The following TAFA2 variants were observed in gnomAD, a reference collection of about 807,000 sequenced individuals.
TAFA2 encodes TAFA chemokine like family member 2.
A neutral mutation model predicts 18.8 loss-of-function variants in TAFA2; 7 were observed. That is an observed-to-expected ratio of 0.37 (90% CI 0.21 to 0.70). The LOEUF (loss-of-function observed/expected upper bound fraction) is 0.70, where lower values mean the gene tolerates loss of function less well. Among genes scored for constraint, TAFA2 ranks in the 30% least tolerant of loss-of-function variants. The probability of loss-of-function intolerance (pLI) is 0.53; values close to 1 mark genes in which losing one functional copy is unlikely to be tolerated. For synonymous variants in TAFA2, 60 were observed against 54.2 expected (o/e 1.11, Z -0.47); for missense variants, 122 against 158.1 (o/e 0.77, Z 1.23).
chr12:62,244,682 C>T (rs999736698), intron 1 of TAFA2, among the ~76,000 whole-genome samples: 2 of 152,074 alleles, frequency 1.3e-5, no homozygotes, highest in East Asian at 1.9e-4. Context: ...TCTATTTATA[C>T]TCCTATCAGC....
intron 1 of TAFA2, among the ~76,000 whole-genome samples, chr12:62,167,800 AG>A (rs2062450247): frequency 6.6e-6 from 1 of 152,170 alleles, no homozygotes; most frequent in Non-Finnish European, 1.5e-5. Flanking sequence ...GATTTGGGGA[AG>A]GAAAAGTAAA....
At chr12:61,890,153 G>A (rs1875565318) in intron 1 of TAFA2, among the ~76,000 whole-genome samples, 1 of 152,212 alleles carries the variant, frequency 6.6e-6, no homozygotes, top group South Asian at 2.1e-4. Flanking sequence ...TGCCTTTGCT[G>A]AGTGTAGGCT....
chr12:61,804,424 C>A (rs1289636889), intron 2 of TAFA2, among the ~76,000 whole-genome samples: 1 of 151,974 alleles, frequency 6.6e-6, no homozygotes, highest in Non-Finnish European at 1.5e-5. Context: ...GCTCAGCAAG[C>A]ACTCTCTCCT....
intron 1 of TAFA2, among the ~76,000 whole-genome samples, chr12:61,992,564 G>C (rs1592535275): frequency 1.3e-5 from 2 of 152,236 alleles, no homozygotes; most frequent in African/African-American, 2.4e-5. Context: ...AAGTCAAACT[G>C]TGTCACTGCT....
intron 1 of TAFA2, among the ~76,000 whole-genome samples, chr12:62,210,258 G>A (rs548517754): frequency 3.3e-5 from 5 of 152,046 alleles, no homozygotes; most frequent in African/African-American, 7.2e-5. Context: ...TTTCCCTCAA[G>A]AGCATCAACA....
chr12:62,187,826 C>A (rs1419611440), intron 1 of TAFA2, among the ~76,000 whole-genome samples: 1 of 152,124 alleles, frequency 6.6e-6, no homozygotes, highest in Non-Finnish European at 1.5e-5. Flanking sequence ...TGCTCCGAAC[C>A]TAAAGTAAAA....
chr12:61,791,562 G>A (rs1234204935), intron 2 of TAFA2, among the ~76,000 whole-genome samples: 1 of 151,642 alleles, frequency 6.6e-6, no homozygotes, highest in Non-Finnish European at 1.5e-5. Flanking sequence ...CAAAAGACCT[G>A]AATAGACATT....
intron 1 of TAFA2, among the ~76,000 whole-genome samples, chr12:62,221,358 T>C (rs1295039543): frequency 1.3e-5 from 2 of 152,146 alleles, no homozygotes; most frequent in African/African-American, 2.4e-5. Flanking sequence ...ATATTCATTG[T>C]TCAAAAACAT....
intron 1 of TAFA2, chr12:62,252,853 G>C (rs187333669): frequency 6.6e-6 from 1 of 152,244 alleles, no homozygotes; most frequent in Admixed American, 6.5e-5. Context: ...TGTGTCATGA[G>C]ATCAAACACT....
chr12:61,856,257 G>A (rs1272308709), intron 2 of TAFA2, among the ~76,000 whole-genome samples: 6 of 151,894 alleles, frequency 4.0e-5, no homozygotes, highest in Admixed American at 3.9e-4. Flanking sequence ...CTAATTGACT[G>A]AATGTAAAAT....
rs528952687 is a variant in TAFA2, at chr12:61,884,664, A to G, written c.-1-17238T>C. 8.5e-5 allele frequency among the ~76,000 whole-genome samples: 13 copies of G among 152,296 alleles called. No homozygotes were observed. The East Asian group carries it at 2.5e-3, about 29-fold the overall frequency. On this transcript the variant is annotated intron_variant, in intron 1 of 4. Coordinates refer to ENST00000416284, the MANE Select transcript of TAFA2 (RefSeq NM_178539.5). ...TCAGAAAGACCTTCACTATACATTTATGAATCACTATGGTACTCCATATAA... is the reference window on the plus strand; with the variant it reads ...TCAGAAAGACCTTCACTATACATTTGTGAATCACTATGGTACTCCATATAA...
At chr12:61,888,403 C>A (rs138275162) in intron 1 of TAFA2, among the ~76,000 whole-genome samples, 4 of 152,156 alleles carry the variant, frequency 2.6e-5, no homozygotes, top group Admixed American at 6.5e-5. Flanking sequence ...TACTCAGGAC[C>A]CTTCCCACTG....
At chr12:62,018,804 A>G (rs1565717899) in intron 1 of TAFA2, among the ~76,000 whole-genome samples, 1 of 152,242 alleles carries the variant, frequency 6.6e-6, no homozygotes, top group Non-Finnish European at 1.5e-5. Flanking sequence ...CAATGGCAAC[A>G]AAAGCCAAAA....
At chr12:61,947,214 A>G (rs1449085695) in intron 1 of TAFA2, among the ~76,000 whole-genome samples, 2 of 148,236 alleles carry the variant, frequency 1.3e-5, no homozygotes, top group African/African-American at 2.5e-5. Context: ...AGGACAAAAA[A>G]CCAAACACCG....
intron 2 of TAFA2, among the ~76,000 whole-genome samples, chr12:61,755,691 C>T (rs1869230605): frequency 6.6e-6 from 1 of 152,078 alleles, no homozygotes; most frequent in African/African-American, 2.4e-5. Flanking sequence ...TCGTATCTGG[C>T]AGCCAATTGC....
Position 61,786,191 on chromosome 12 carries a change from G to C in TAFA2, c.107-31167C>G, listed in dbSNP as rs1817861884. ...TGTCTGGTTTCAAAAGCCAGACTAGGAAATCTTACCATGCATAAGGACTTG... is the reference window on the plus strand; with the variant it reads ...TGTCTGGTTTCAAAAGCCAGACTAGCAAATCTTACCATGCATAAGGACTTG... On this transcript the variant is annotated intron_variant, in intron 2 of 4. Transcript: ENST00000416284. 1.3e-5 allele frequency among the ~76,000 whole-genome samples: 2 copies of C among 151,578 alleles called. 1 individual carries two copies. The highest frequency in any genetic ancestry group is 4.1e-4 in the South Asian group (2 of 4,826).
At chr12:61,816,869 A>G (rs1002558052) in intron 2 of TAFA2, among the ~76,000 whole-genome samples, 1 of 150,820 alleles carries the variant, frequency 6.6e-6, no homozygotes, top group African/African-American at 2.5e-5. Flanking sequence ...CTTGGAGGAC[A>G]AAGATATTGT....
intron 1 of TAFA2, among the ~76,000 whole-genome samples, chr12:61,992,200 C>T (rs1880034667): frequency 6.6e-6 from 1 of 152,136 alleles, no homozygotes; most frequent in Non-Finnish European, 1.5e-5. Flanking sequence ...GTATTTGGTT[C>T]CATTTAGAAG....
chr12:61,810,145 T>C (rs1871804697), intron 2 of TAFA2, among the ~76,000 whole-genome samples: 1 of 151,466 alleles, frequency 6.6e-6, no homozygotes, highest in Non-Finnish European at 1.5e-5. Flanking sequence ...TTTTCCCAAA[T>C]ACTGATAAAT....
Sources: gnomAD v4.1 joint callset for allele counts (sites outside exome capture counted in the v4.1 genomes callset) on GRCh38, gnomAD v4.1.1 for gene constraint, MANE v1.5 for transcripts, NCBI Gene and HGNC (gene_info 2026-07-23, HGNC 2026-07-21) for gene names.